The following SEZ6L variants were observed in gnomAD, a reference collection of about 807,000 sequenced individuals.
SEZ6L encodes the protein seizure related 6 homolog like.
Under a neutral mutation model 106.2 loss-of-function variants are expected in SEZ6L, and 37 were observed. The observed-to-expected ratio is 0.35, with a 90% confidence interval of 0.27 to 0.46. The LOEUF (loss-of-function observed/expected upper bound fraction) is 0.46. SEZ6L is among the 20% of genes least tolerant of loss of function. The probability of loss-of-function intolerance (pLI) is 1.00; values close to 1 mark genes in which losing one functional copy is unlikely to be tolerated. For synonymous variants in SEZ6L, 541 were observed against 570.4 expected, an observed-to-expected ratio of 0.95 and a Z score of 0.73; for missense variants, 1,172 against 1,332.8, an observed-to-expected ratio of 0.88 and a Z score of 1.88.
intron 9 of SEZ6L, among the ~76,000 whole-genome samples, chr22:26,329,392 C>A (rs919925972): frequency 6.6e-6 from 1 of 152,012 alleles, no homozygotes; most frequent in Non-Finnish European, 1.5e-5. Flanking sequence ...AGCTTGAACC[C>A]AGGAGGCGGA....
At chr22:26,322,046 T>G (rs965335894) in intron 9 of SEZ6L, among the ~76,000 whole-genome samples, 24 of 152,200 alleles carry the variant, frequency 1.6e-4, no homozygotes, top group African/African-American at 5.8e-4. Flanking sequence ...AACATTATTA[T>G]GCAGAGATAA....
intron 9 of SEZ6L, among the ~76,000 whole-genome samples, chr22:26,316,958 A>C (rs2082022794): frequency 8.1e-6 from 1 of 122,746 alleles, no homozygotes; most frequent in African/African-American, 3.0e-5. Context: ...GGAAGAAAGA[A>C]GGAGGGAGGG....
chr22:26,244,958 T>G (rs969489888), intron 1 of SEZ6L, among the ~76,000 whole-genome samples: 3 of 152,134 alleles, frequency 2.0e-5, no homozygotes, highest in African/African-American at 7.2e-5. Flanking sequence ...ACGGAGGGTT[T>G]TGAGCAGGGA....
intron 1 of SEZ6L, among the ~76,000 whole-genome samples, chr22:26,290,066 A>C (rs1426753763): frequency 6.6e-6 from 1 of 152,246 alleles, no homozygotes; most frequent in South Asian, 2.1e-4. Flanking sequence ...TCGCTGAATG[A>C]TGGCAACCCC....
chr22:26,171,301 C>T (rs1365591395), intron 1 of SEZ6L, among the ~76,000 whole-genome samples: 4 of 152,172 alleles, frequency 2.6e-5, no homozygotes, highest in African/African-American at 9.7e-5. Context: ...TCCACCACAG[C>T]ATGGCCTTTC....
At chr22:26,365,335 A>T in intron 12 of SEZ6L, 37 bp from the exon 13 acceptor site, 1 of 1,570,216 alleles carries the variant, frequency 6.4e-7, no homozygotes, top group Non-Finnish European at 8.7e-7. Context: ...AAAGATTTGC[A>T]TCATCTCATC....
At chr22:26,373,981 T>C (rs981689641) in intron 14 of SEZ6L, among the ~76,000 whole-genome samples, 4 of 152,240 alleles carry the variant, frequency 2.6e-5, no homozygotes, top group African/African-American at 9.6e-5. Flanking sequence ...TTATTAGAAA[T>C]TCCCAAATGA....
chr22:26,327,901 G>T (rs538888082), intron 9 of SEZ6L, among the ~76,000 whole-genome samples: 1 of 152,320 alleles, frequency 6.6e-6, no homozygotes, highest in South Asian at 2.1e-4. Flanking sequence ...AGCAATGTGG[G>T]CAGTGCCACA....
rs1263945088 is a variant in SEZ6L at position 26,354,693 on chromosome 22, CT to C, written c.2599+3452del. ...TCATTTTTTTAAAAAAGAAAAAGCA[CT>C]TCACCAATGAGACCCAGTCTCTAAA... On this transcript the variant is annotated intron_variant, in intron 12 of 16. Coordinates refer to ENST00000248933, the MANE Select transcript of SEZ6L (RefSeq NM_021115.5). Among the ~76,000 whole-genome samples, 8 of 152,194 alleles carry C rather than the reference CT, an allele frequency of 5.3e-5. No homozygotes were observed. In the South Asian group the frequency reaches 1.0e-3, roughly 20 times the overall value.
chr22:26,187,641 G>C (rs1199757014), intron 1 of SEZ6L, among the ~76,000 whole-genome samples: 1 of 152,150 alleles, frequency 6.6e-6, no homozygotes, highest in African/African-American at 2.4e-5. Context: ...CTAGAATACA[G>C]AAAAAGCAGC....
chr22:26,218,956 A>C (rs527888102), intron 1 of SEZ6L, among the ~76,000 whole-genome samples: 3 of 152,308 alleles, frequency 2.0e-5, no homozygotes, highest in South Asian at 4.1e-4. Context: ...AGAAAAGAAA[A>C]GAAACGAAAA....
intron 9 of SEZ6L, among the ~76,000 whole-genome samples, chr22:26,314,501 G>C (rs1426755684): frequency 6.6e-6 from 1 of 152,204 alleles, no homozygotes; most frequent in Non-Finnish European, 1.5e-5. Flanking sequence ...AGACCAGAAG[G>C]TCCTCTCCTC....
intron 1 of SEZ6L, among the ~76,000 whole-genome samples, chr22:26,176,333 G>A (rs1010915811): frequency 2.0e-5 from 3 of 152,228 alleles, no homozygotes; most frequent in African/African-American, 4.8e-5. Context: ...TGGAAATGGA[G>A]AGCTGATGCA....
chr22:26,354,765 G>GCCC (rs1360277769), intron 12 of SEZ6L, among the ~76,000 whole-genome samples: 1 of 152,226 alleles, frequency 6.6e-6, no homozygotes, highest in Non-Finnish European at 1.5e-5. Context: ...CAAGACGCAA[G>GCCC]CCTCCCTCCC....
intron 1 of SEZ6L, among the ~76,000 whole-genome samples, chr22:26,273,289 G>A (rs1217280841): frequency 6.6e-6 from 1 of 152,270 alleles, no homozygotes; most frequent in Admixed American, 6.5e-5. Context: ...TGCCTGTGAA[G>A]GGGGCCAGGT....
chr22:26,296,622 A>G (rs2081308458), intron 3 of SEZ6L, among the ~76,000 whole-genome samples: 1 of 152,226 alleles, frequency 6.6e-6, no homozygotes, highest in African/African-American at 2.4e-5. Context: ...CTTACAGGAC[A>G]CAGCAATGGG....
intron 1 of SEZ6L, among the ~76,000 whole-genome samples, chr22:26,277,520 A>G (rs1194536060): frequency 6.6e-6 from 1 of 152,236 alleles, no homozygotes; most frequent in African/African-American, 2.4e-5. Flanking sequence ...AAAGCAAACC[A>G]TGCGAGTTAT....
chr22:26,230,464 A>G (rs2078766361), intron 1 of SEZ6L, among the ~76,000 whole-genome samples: 1 of 152,218 alleles, frequency 6.6e-6, no homozygotes, highest in South Asian at 2.1e-4. Context: ...CACAGAGCTG[A>G]GTGCTAGGAT....
intron 1 of SEZ6L, among the ~76,000 whole-genome samples, chr22:26,280,113 G>A (rs776857138): frequency 6.6e-6 from 1 of 152,156 alleles, no homozygotes; most frequent in Non-Finnish European, 1.5e-5. Flanking sequence ...TGTTACACAT[G>A]TGAGGGCTGG....
Sources: allele counts gnomAD v4.1 joint callset (sites outside exome capture counted in the v4.1 genomes callset), GRCh38; gene constraint gnomAD v4.1.1; transcripts MANE v1.5; gene names NCBI Gene and HGNC (gene_info 2026-07-23, HGNC 2026-07-21).